The following FHIT variants were observed in gnomAD, a reference collection of about 807,000 sequenced individuals.
FHIT encodes fragile histidine triad diadenosine triphosphatase, also known as bis(5'-adenosyl)-triphosphatase.
FHIT carries 19 observed loss-of-function variants against 17.9 expected under a neutral mutation model. The ratio of observed to expected loss-of-function variants is 1.06; its 90% CI spans 0.74 to 1.56. The LOEUF (loss-of-function observed/expected upper bound fraction) is 1.56, where lower values mean the gene tolerates loss of function less well. Ranked by LOEUF, FHIT falls within the 40% of genes most tolerant of loss-of-function variation. The probability of loss-of-function intolerance (pLI) is 0.00; values close to 1 mark genes in which losing one functional copy is unlikely to be tolerated. For missense variants in FHIT, 248 were observed against 189.2 expected, an observed-to-expected ratio of 1.31 and a Z score of -1.82; for synonymous variants, 81 against 69.7, an observed-to-expected ratio of 1.16 and a Z score of -0.81.
chr3:60,210,550 G>A (rs1294279594), intron 5 of FHIT, among the ~76,000 whole-genome samples: 1 of 151,832 alleles, frequency 6.6e-6, no homozygotes, highest in African/African-American at 2.4e-5. Context: ...TGCAAAATCA[G>A]GAAAAAAACA....
chr3:59,801,368 T>C (rs976971843), intron 8 of FHIT, among the ~76,000 whole-genome samples: 16 of 150,744 alleles, frequency 1.1e-4, no homozygotes, highest in Admixed American at 8.6e-4. Context: ...GTTCTTGTTT[T>C]TGCAAAATCA....
At chr3:60,483,862 C>G (rs868421444) in intron 5 of FHIT, among the ~76,000 whole-genome samples, 65 of 152,210 alleles carry the variant, frequency 4.3e-4, no homozygotes, top group Middle Eastern at 3.4e-3. Context: ...AAAGAGTATT[C>G]GCATAGGAAG....
intron 7 of FHIT, among the ~76,000 whole-genome samples, chr3:59,934,102 T>C (rs1706108838): frequency 6.6e-6 from 1 of 152,178 alleles, no homozygotes; most frequent in South Asian, 2.1e-4. Flanking sequence ...GTAATAGCTG[T>C]TGCTATTTAT....
intron 4 of FHIT, among the ~76,000 whole-genome samples, chr3:60,806,475 T>G (rs1032811501): frequency 6.6e-5 from 10 of 152,224 alleles, no homozygotes; most frequent in Admixed American, 2.6e-4. Context: ...ACTTCATAAT[T>G]CAAATTGCTG....
chr3:60,883,819 A>T (rs1705082977), intron 3 of FHIT, among the ~76,000 whole-genome samples: 1 of 152,200 alleles, frequency 6.6e-6, no homozygotes, highest in Non-Finnish European at 1.5e-5. Context: ...TTTTTTGGAT[A>T]AGACCTCAAA....
intron 7 of FHIT, among the ~76,000 whole-genome samples, chr3:59,954,416 A>AG (rs1460169033): frequency 2.0e-5 from 3 of 152,096 alleles, no homozygotes; most frequent in African/African-American, 7.2e-5. Flanking sequence ...GACACAATGA[A>AG]GAAAAAATCA....
intron 8 of FHIT, among the ~76,000 whole-genome samples, chr3:59,777,741 C>T (rs117135276): frequency 4.9e-5 from 7 of 141,552 alleles, no homozygotes; most frequent in East Asian, 2.0e-4. Context: ...TCTAGGCCAC[C>T]GTCTGCCTCT....
intron 3 of FHIT, among the ~76,000 whole-genome samples, chr3:60,956,206 A>G (rs985612990): frequency 2.6e-5 from 4 of 152,208 alleles, no homozygotes; most frequent in Admixed American, 6.5e-5. Context: ...CACAAAACCC[A>G]TATGTAAGCC....
chr3:61,111,823 T>A (rs946283515), intron 2 of FHIT, among the ~76,000 whole-genome samples: 21 of 152,146 alleles, frequency 1.4e-4, no homozygotes, highest in African/African-American at 5.1e-4. Flanking sequence ...ATAATTTGAG[T>A]CTTCTACCTT....
chr3:60,298,112 C>A (rs541238719), intron 5 of FHIT, among the ~76,000 whole-genome samples: 1 of 152,158 alleles, frequency 6.6e-6, no homozygotes, highest in East Asian at 1.9e-4. Flanking sequence ...TCTCTACGAG[C>A]ACCACCCTCC....
chr3:59,997,440 C>T (rs192127670), intron 7 of FHIT, among the ~76,000 whole-genome samples: 198 of 152,198 alleles, frequency 1.3e-3, no homozygotes, highest in African/African-American at 4.7e-3. Flanking sequence ...ACTATTATAG[C>T]TGGGGTTATT....
At chr3:60,009,398 T>G (rs953696324) in intron 7 of FHIT, among the ~76,000 whole-genome samples, 16 of 152,176 alleles carry the variant, frequency 1.1e-4, no homozygotes, top group African/African-American at 3.6e-4. Context: ...CAACTTAAGC[T>G]AAATAATCAG....
intron 3 of FHIT, among the ~76,000 whole-genome samples, chr3:61,006,821 C>T (rs1022277503): frequency 1.3e-5 from 2 of 151,924 alleles, no homozygotes; most frequent in Non-Finnish European, 2.9e-5. Flanking sequence ...CAAATATATA[C>T]ATGGCTAAGT....
At chr3:60,284,010 G>A (rs1276291954) in intron 5 of FHIT, among the ~76,000 whole-genome samples, 2 of 151,974 alleles carry the variant, frequency 1.3e-5, no homozygotes, top group Admixed American at 1.3e-4. Context: ...AGTTGAGATA[G>A]ACAGCTCTGC....
chr3:60,085,022 T>A (rs1352847536), intron 5 of FHIT, among the ~76,000 whole-genome samples: 2 of 152,182 alleles, frequency 1.3e-5, no homozygotes, highest in Admixed American at 1.3e-4. Flanking sequence ...ACACCTTCTC[T>A]GGAATTGGTT....
intron 4 of FHIT, chr3:60,617,923 A>T (rs1485030455): frequency 8.5e-6 from 2 of 236,468 alleles, no homozygotes; most frequent in African/African-American, 2.3e-5. Flanking sequence ...AATTTGTGAT[A>T]ACTGAAAAAT....
chr3:60,434,447 C>T (rs926048442), intron 5 of FHIT, among the ~76,000 whole-genome samples: 3 of 152,014 alleles, frequency 2.0e-5, no homozygotes, highest in Non-Finnish European at 2.9e-5. Context: ...TGAGGGATGG[C>T]AGGGTTGCAT....
chr3:60,206,480 AT>A (rs113955559), intron 5 of FHIT, among the ~76,000 whole-genome samples: 3,062 of 151,970 alleles, frequency 0.02, 106 homozygotes, highest in African/African-American at 0.069. Flanking sequence ...CAAAAGCACA[AT>A]TTTTTTCTTT....
rs1006317120 is a variant in FHIT at position 60,291,576 on chromosome 3, T to A, written c.103+245284A>T. On this transcript the variant is annotated intron_variant, in intron 5 of 9. Transcript: ENST00000492590. ...GCTTCCAGCTTGCTTATTTATGTTT[T>A]CAGCTCGATTTTTCAGGCTGCTCTT... 2.6e-5 allele frequency among the ~76,000 whole-genome samples: 4 copies of A among 152,302 alleles called. No individual in the cohort carries two copies. The East Asian group carries it at 7.7e-4, about 29-fold the overall frequency.
Sources: allele counts gnomAD v4.1 joint callset (sites outside exome capture counted in the v4.1 genomes callset), GRCh38; gene constraint gnomAD v4.1.1; transcripts MANE v1.5; gene names NCBI Gene and HGNC (gene_info 2026-07-23, HGNC 2026-07-21).